ARHGAP6: variants seen among roughly 807,000 people sequenced by gnomAD.
ARHGAP6 encodes rho GTPase-activating protein 6.
A neutral mutation model predicts 55.7 loss-of-function variants in ARHGAP6; 16 were observed. That is an observed-to-expected ratio of 0.29 (90% CI 0.19 to 0.44). The LOEUF is 0.44. ARHGAP6 is among the 20% of genes least tolerant of loss of function. The pLI is 1.00. For missense variants in ARHGAP6, 698 were observed against 808.9 expected, an observed-to-expected ratio of 0.86 and a Z score of 1.66; for synonymous variants, 382 against 360.9, an observed-to-expected ratio of 1.06 and a Z score of -0.66.
intron 2 of ARHGAP6, among the ~76,000 whole-genome samples, chrX:11,234,627 C>A (rs1348566968): frequency 8.9e-6 from 1 of 112,184 alleles, no homozygotes; most frequent in African/African-American, 3.2e-5. Flanking sequence ...CCAAATGTTG[C>A]AAAAACTAAG....
At chrX:11,431,786 C>T (rs2049942803) in intron 1 of ARHGAP6, among the ~76,000 whole-genome samples, 1 of 112,332 alleles carries the variant, frequency 8.9e-6, no homozygotes, top group African/African-American at 3.2e-5. Context: ...TCACTGAGGT[C>T]AAAAATTAAA....
rs769688174 is a variant in ARHGAP6, at chrX:11,164,387, A to G, written c.1809+5118T>C. On this transcript the variant is annotated intron_variant, in intron 9 of 12. Transcript: ENST00000337414. ...TGGCACGTAGACAGTGGTATTTGTG[A>G]TATATAGAAAAGGAAATGGAAATCA... 3.6e-5 allele frequency among the ~76,000 whole-genome samples: 4 copies of G among 112,204 alleles called. No homozygotes were observed. The South Asian group carries it at 1.5e-3, about 42-fold the overall frequency.
At chrX:11,310,464 A>C (rs1181691360) in intron 1 of ARHGAP6, among the ~76,000 whole-genome samples, 3 of 111,737 alleles carry the variant, frequency 2.7e-5, no homozygotes, top group Non-Finnish European at 1.9e-5. Flanking sequence ...TGAAGGAATA[A>C]ACAAAATGTG....
intron 1 of ARHGAP6, among the ~76,000 whole-genome samples, chrX:11,395,943 A>T (rs891500370): frequency 9.0e-6 from 1 of 110,965 alleles, no homozygotes; most frequent in Non-Finnish European, 1.9e-5. Context: ...TATGGCTTTT[A>T]AAAAAATAGT....
chrX:11,225,327 T>C (rs763561128), intron 2 of ARHGAP6, among the ~76,000 whole-genome samples: 1 of 111,386 alleles, frequency 9.0e-6, no homozygotes, highest in African/African-American at 3.3e-5. Flanking sequence ...TAAAAAAGAA[T>C]GTTTCTTAGG....
chrX:11,573,999 C>T (rs1428789078), intron 1 of ARHGAP6, among the ~76,000 whole-genome samples: 1 of 111,395 alleles, frequency 9.0e-6, no homozygotes, highest in Non-Finnish European at 1.9e-5. Flanking sequence ...TTCCTCGACA[C>T]ATACACCCTC....
In ARHGAP6 at chrX:11,178,169, G is replaced by C; in HGVS notation, c.1560C>G (p.His520Gln). 1.7e-6 allele frequency: 2 copies of C among 1,211,657 alleles called. No individual in the cohort carries two copies. Among genetic ancestry groups the C allele is most frequent in the Non-Finnish European group, 2.2e-6 (2 of 895,462 alleles). The change falls in exon 8 of 13, where the codon CAC becomes CAG. Residue 520 changes from histidine to glutamine, a missense_variant. By Grantham distance (24) the His-to-Gln change is conservative (BLOSUM62 0). This residue lies in a region of ARHGAP6 where 322 missense variants were observed against 451.1 expected (regional missense o/e 0.71). Coordinates refer to ENST00000337414, the MANE Select transcript of ARHGAP6 (RefSeq NM_013427.3). ...CGATGGAGAGGAACTGTAGCAGGCG[G>C]TGGAGGGTGTCGCAGTTGCAGGGAG... The part of the protein sequence containing the change: ...LLPPCNCDTL[H>Q]RLLQFLSIVA...
chrX:11,415,383 T>C (rs1285496981), intron 1 of ARHGAP6, among the ~76,000 whole-genome samples: 4 of 112,155 alleles, frequency 3.6e-5, no homozygotes, highest in African/African-American at 1.3e-4. Flanking sequence ...CTCAAAACCC[T>C]GCTTTTGTCA....
rs554641735 is a variant in ARHGAP6 at position 11,272,955 on chromosome X, A to C, written c.589-18248T>G. On this transcript the variant is annotated intron_variant, in intron 1 of 12. Transcript: ENST00000337414. ...AGTTCAGCATATAACTAGCCATGTG[A>C]GTATCCAACGCTTTTAAGCCTCAAT... Among the ~76,000 whole-genome samples the C allele has an allele frequency of 5.9e-4, 66 of 112,127 alleles. 1 individual carries two copies. The South Asian group carries it at 0.023, about 39-fold the overall frequency.
Position 11,382,373 on chromosome X carries a change from T to A in ARHGAP6, c.589-127666A>T, listed in dbSNP as rs182438182. On this transcript the variant is annotated intron_variant, in intron 1 of 12. Transcript: ENST00000337414. ...TAAAGGTTATTGGTAATTGTTATAT[T>A]AATAATAATTAAATAAAGAGTGTTT... 8.0e-3 allele frequency among the ~76,000 whole-genome samples: 890 copies of A among 111,496 alleles called. 9 individuals carry two copies. The highest frequency in any genetic ancestry group is 0.028 in the African/African-American group (850 of 30,686).
At chrX:11,226,604 C>G (rs2047054285) in intron 2 of ARHGAP6, among the ~76,000 whole-genome samples, 3 of 111,817 alleles carry the variant, frequency 2.7e-5, no homozygotes, top group Non-Finnish European at 3.8e-5. Flanking sequence ...AAAATTGATA[C>G]TTTATGAATA....
intron 1 of ARHGAP6, among the ~76,000 whole-genome samples, chrX:11,565,084 G>C (rs758491974): frequency 8.9e-6 from 1 of 112,289 alleles, no homozygotes; most frequent in Admixed American, 9.4e-5. Context: ...ACTCTACTAT[G>C]TATAGTAAGG....
chrX:11,381,386 T>C (rs2049261486), intron 1 of ARHGAP6, among the ~76,000 whole-genome samples: 1 of 112,431 alleles, frequency 8.9e-6, no homozygotes, highest in Non-Finnish European at 1.9e-5. Flanking sequence ...TTTATGATCC[T>C]GAAATAATCT....
chrX:11,650,934 T>C (rs1020674491), intron 1 of ARHGAP6, among the ~76,000 whole-genome samples: 3 of 112,155 alleles, frequency 2.7e-5, no homozygotes, highest in Non-Finnish European at 5.6e-5. Flanking sequence ...TCTGACAATA[T>C]CATTTATTGA....
At chrX:11,628,554 A>C (rs1399857352) in intron 1 of ARHGAP6, among the ~76,000 whole-genome samples, 2 of 112,721 alleles carry the variant, frequency 1.8e-5, no homozygotes, top group African/African-American at 6.4e-5. Flanking sequence ...TAGCAAGACA[A>C]CATTTCTTTC....
At chrX:11,146,792 A>C (rs1422105240) in intron 10 of ARHGAP6, among the ~76,000 whole-genome samples, 1 of 112,167 alleles carries the variant, frequency 8.9e-6, no homozygotes, top group African/African-American at 3.2e-5. Flanking sequence ...TATTTGGTAG[A>C]TAGTGTTCAA....
At chrX:11,425,653 GCC>G (rs1354502776) in intron 1 of ARHGAP6, among the ~76,000 whole-genome samples, 2 of 112,223 alleles carry the variant, frequency 1.8e-5, no homozygotes, top group African/African-American at 6.5e-5. Context: ...AGTCTTCAGA[GCC>G]CCAAGAGGGG....
At chrX:11,459,766 T>C (rs1020904723) in intron 1 of ARHGAP6, among the ~76,000 whole-genome samples, 1 of 111,815 alleles carries the variant, frequency 8.9e-6, no homozygotes, top group Non-Finnish European at 1.9e-5. Context: ...TACTCAAGTT[T>C]CTAATTCATG....
At chrX:11,351,860 C>T (rs1426332237) in intron 1 of ARHGAP6, among the ~76,000 whole-genome samples, 1 of 112,000 alleles carries the variant, frequency 8.9e-6, no homozygotes, top group Non-Finnish European at 1.9e-5. Context: ...AGCTCACTGT[C>T]AAACAGGGTT....
Sources: gnomAD v4.1 joint callset for allele counts (sites outside exome capture counted in the v4.1 genomes callset) on GRCh38, gnomAD v4.1.1 for gene constraint, gnomAD v4.1.1 regional missense constraint, MANE v1.5 for transcripts, NCBI Gene and HGNC (gene_info 2026-07-23, HGNC 2026-07-21) for gene names.